Variants in PEBP4 observed in about 807,000 individuals in gnomAD.
The protein encoded by PEBP4 is phosphatidylethanolamine binding protein 4, also known as phosphatidylethanolamine-binding protein 4.
Under a neutral mutation model 23.9 loss-of-function variants are expected in PEBP4, and 22 were observed. The observed-to-expected ratio is 0.92, with a 90% confidence interval of 0.66 to 1.31. PEBP4 has a LOEUF of 1.31. Among genes scored for constraint, PEBP4 ranks in the 40% most tolerant of loss-of-function variants. The pLI, the probability that PEBP4 is intolerant of heterozygous loss-of-function variation, is 0.00. For missense variants in PEBP4, 324 were observed against 281.7 expected, an observed-to-expected ratio of 1.15 and a Z score of -1.07; for synonymous variants, 112 against 99.3, an observed-to-expected ratio of 1.13 and a Z score of -0.76.
intron 3 of PEBP4, among the ~76,000 whole-genome samples, chr8:22,852,209 C>T (rs1807566024): frequency 6.6e-6 from 1 of 152,168 alleles, no homozygotes; most frequent in African/African-American, 2.4e-5. Context: ...TGGTCTCTTG[C>T]CGATTTCTCT....
intron 3 of PEBP4, among the ~76,000 whole-genome samples, chr8:22,868,331 G>A (rs947507582): frequency 1.3e-5 from 2 of 152,144 alleles, no homozygotes; most frequent in Non-Finnish European, 2.9e-5. Flanking sequence ...GCCTGGATTT[G>A]TTCGCCTGCT....
At chr8:22,756,194 T>C (rs952813202) in intron 4 of PEBP4, among the ~76,000 whole-genome samples, 2 of 152,146 alleles carry the variant, frequency 1.3e-5, no homozygotes, top group African/African-American at 2.4e-5. Context: ...GGAGACAAGG[T>C]GGCAAGACTC....
At chr8:22,784,336 A>G (rs1013123864) in intron 4 of PEBP4, among the ~76,000 whole-genome samples, 10 of 152,256 alleles carry the variant, frequency 6.6e-5, no homozygotes, top group Non-Finnish European at 1.2e-4. Context: ...GGATGGGGTC[A>G]GGAATCAAAG....
rs1009117950 is a variant in PEBP4 at position 22,865,798 on chromosome 8, G to A, written c.259-48063C>T. Among the ~76,000 whole-genome samples, 4 of 152,124 alleles carry A rather than the reference G, an allele frequency of 2.6e-5. No homozygotes were observed. The highest frequency in any genetic ancestry group is 9.7e-5 in the African/African-American group (4 of 41,428). On this transcript the variant is annotated intron_variant, in intron 3 of 6. Transcript: ENST00000256404. The surrounding 1 kb of genome is among the most constrained non-coding windows in gnomAD (Gnocchi z 6.9). ...GATCGGCGGCCACTCCCGGGGGCGC[G>A]AGCGGCGGCGCCTAGAGGGACCCCC...
chr8:22,790,631 C>G (rs1806119054), intron 4 of PEBP4, among the ~76,000 whole-genome samples: 2 of 152,094 alleles, frequency 1.3e-5, no homozygotes, highest in African/African-American at 4.8e-5. Flanking sequence ...TGGGGCCTGA[C>G]CTTGAAGGGT....
chr8:22,861,350 C>T (rs1193647276), intron 3 of PEBP4, among the ~76,000 whole-genome samples: 1 of 152,242 alleles, frequency 6.6e-6, no homozygotes, highest in Non-Finnish European at 1.5e-5. Context: ...TTTCCATAGA[C>T]TAATTGAATC....
intron 3 of PEBP4, among the ~76,000 whole-genome samples, chr8:22,861,681 C>T (rs1464583129): frequency 1.3e-5 from 2 of 152,172 alleles, no homozygotes; most frequent in East Asian, 1.9e-4. Context: ...TTTTGGCTCT[C>T]GTTCTGAGTC....
At chr8:22,750,841 T>C (rs1239397217) in intron 4 of PEBP4, among the ~76,000 whole-genome samples, 1 of 152,106 alleles carries the variant, frequency 6.6e-6, no homozygotes, top group Non-Finnish European at 1.5e-5. Context: ...GATGTTATTG[T>C]GCCGAGGGGA....
chr8:22,754,132 G>T (rs930916017), intron 4 of PEBP4, among the ~76,000 whole-genome samples: 1 of 152,176 alleles, frequency 6.6e-6, no homozygotes, highest in African/African-American at 2.4e-5. Flanking sequence ...TGGGCTCTGG[G>T]CTTTCAGCGG....
chr8:22,855,091 C>T (rs1421952214), intron 3 of PEBP4, among the ~76,000 whole-genome samples: 1 of 151,704 alleles, frequency 6.6e-6, no homozygotes, highest in Non-Finnish European at 1.5e-5. Flanking sequence ...GAAGACGTAC[C>T]ATGGTCCAGG....
chr8:22,800,819 G>A (rs1489811774), intron 4 of PEBP4, among the ~76,000 whole-genome samples: 1 of 152,178 alleles, frequency 6.6e-6, no homozygotes, highest in Non-Finnish European at 1.5e-5. Context: ...ACAACTCCCA[G>A]ATACTGTGGG....
upstream of PEBP4, among the ~76,000 whole-genome samples, chr8:22,930,945 C>A (rs1809446428): frequency 6.6e-6 from 1 of 152,162 alleles, no homozygotes. Flanking sequence ...CCTCCAGACA[C>A]CACCATTCAA....
intron 2 of PEBP4, 115 bp from the exon 3 acceptor site, chr8:22,920,425 A>AAC: frequency 8.5e-7 from 1 of 1,171,342 alleles, no homozygotes; most frequent in South Asian, 1.8e-5. Context: ...CAAATCCTAA[A>AAC]CCTGCCACTA....
chr8:22,733,044 C>T (rs143018860), intron 4 of PEBP4, among the ~76,000 whole-genome samples: 1 of 152,274 alleles, frequency 6.6e-6, no homozygotes, highest in East Asian at 1.9e-4. Flanking sequence ...GGGGTCTATC[C>T]CCACCGCTAT....
intron 4 of PEBP4, among the ~76,000 whole-genome samples, chr8:22,792,436 G>A (rs1042011951): frequency 1.3e-5 from 2 of 152,050 alleles, no homozygotes; most frequent in African/African-American, 4.8e-5. Flanking sequence ...TGTGGCCTTA[G>A]ATCTTTACCC....
At chr8:22,795,035 T>C (rs1328954331) in intron 4 of PEBP4, among the ~76,000 whole-genome samples, 1 of 150,976 alleles carries the variant, frequency 6.6e-6, no homozygotes, top group Non-Finnish European at 1.5e-5. Context: ...TCAGTATATA[T>C]CTTAATCTGT....
Position 22,920,433 on chromosome 8 carries a change from C to G in PEBP4, c.132-123G>C, listed in dbSNP as rs1393918485. ...ATGGGATCAAATCCTAAACCTGCCA[C>G]TAACTAGTTGTGTGACCGAAGAGTT... On this transcript the variant is annotated intron_variant, in intron 2 of 6. Transcript: ENST00000256404. 2.6e-6 allele frequency: 3 copies of G among 1,176,404 alleles called. No homozygotes were observed. In the Admixed American group the frequency reaches 7.4e-5, roughly 29 times the overall value. 72.9% of individuals were successfully genotyped at this position (1,176,404 alleles called of 1,614,324 possible).
At chr8:22,795,163 ATTTTTTTTTTTTTTTTT>A (rs33911395) in intron 4 of PEBP4, among the ~76,000 whole-genome samples, 5 of 47,348 alleles carry the variant, frequency 1.1e-4, no homozygotes, top group East Asian at 1.1e-3. Flanking sequence ...ATATATATAT[ATTTTTTTTTTTTTTTTT>A]TTTTTTTTTT....
At chr8:22,805,828 G>A (rs570311666) in intron 4 of PEBP4, among the ~76,000 whole-genome samples, 121 of 152,098 alleles carry the variant, frequency 8.0e-4, no homozygotes, top group African/African-American at 2.8e-3. Context: ...TAAACTTTTT[G>A]ATCTGCAGTG....
Sources: gnomAD v4.1 joint callset for allele counts (sites outside exome capture counted in the v4.1 genomes callset) on GRCh38, gnomAD v4.1.1 for gene constraint, Gnocchi (gnomAD v3.1) non-coding constraint, MANE v1.5 for transcripts, NCBI Gene and HGNC (gene_info 2026-07-23, HGNC 2026-07-21) for gene names.